Variants in ZSCAN5A observed in about 807,000 individuals in gnomAD.
The protein encoded by ZSCAN5A is zinc finger and SCAN domain-containing protein 5A.
A neutral mutation model predicts 23.7 loss-of-function variants in ZSCAN5A; 12 were observed. The ratio of observed to expected loss-of-function variants is 0.51; its 90% CI spans 0.32 to 0.82. The LOEUF (loss-of-function observed/expected upper bound fraction) is 0.82, where lower values mean the gene tolerates loss of function less well. ZSCAN5A is among the 40% of genes least tolerant of loss of function. ZSCAN5A has a pLI of 0.03. For missense variants in ZSCAN5A, 597 were observed against 617.9 expected, an observed-to-expected ratio of 0.97 and a Z score of 0.36; for synonymous variants, 257 against 239.9, an observed-to-expected ratio of 1.07 and a Z score of -0.66.
intron 2 of ZSCAN5A, chr19:56,228,274 G>C (rs1302856048): frequency 4.1e-6 from 4 of 985,124 alleles, no homozygotes; most frequent in Non-Finnish European, 4.8e-6. Context: ...TTCTGCCTCC[G>C]ACCTTCTCGG....
upstream of ZSCAN5A, chr19:56,319,646 C>G (rs1433590856): frequency 3.7e-6 from 2 of 540,732 alleles, no homozygotes; most frequent in African/African-American, 3.8e-5. Context: ...TAAGTAAAAG[C>G]AGATATGCTC....
In ZSCAN5A at chr19:56,248,947, G is replaced by T. The variant is rs1429224392; in HGVS notation, c.-127-23774C>A. Among the ~76,000 whole-genome samples, 7 of 152,252 alleles carry T rather than the reference G, an allele frequency of 4.6e-5. No homozygotes were observed. The East Asian group carries it at 1.4e-3, about 29-fold the overall frequency. On this transcript the variant is annotated intron_variant, in intron 2 of 5. Transcript: ENST00000683990. Reference sequence around the variant, plus strand: ...GCTCGCTCTGGGTGTTGTACATCCTGTGGGTTTGGACAAAGGCCTCATGAG... The same window carrying T: ...GCTCGCTCTGGGTGTTGTACATCCTTTGGGTTTGGACAAAGGCCTCATGAG...
intron 2 of ZSCAN5A, among the ~76,000 whole-genome samples, chr19:56,243,343 T>C (rs1274659387): frequency 6.6e-6 from 1 of 152,170 alleles, no homozygotes; most frequent in Non-Finnish European, 1.5e-5. Context: ...CATGAAATTG[T>C]GCACTTCAAG....
intron 2 of ZSCAN5A, among the ~76,000 whole-genome samples, chr19:56,322,892 C>CTTTTTTTTTTTTTTTTT (rs397859568): frequency 7.9e-6 from 1 of 126,820 alleles, no homozygotes; most frequent in Non-Finnish European, 1.6e-5. Flanking sequence ...TTATTGGTTT[C>CTTTTTTTTTTTTTTTTT]TTTTTTTTTT....
At chr19:56,265,136 A>T (rs114736460) in intron 2 of ZSCAN5A, among the ~76,000 whole-genome samples, 2,585 of 151,894 alleles carry the variant, frequency 0.017, 77 homozygotes, top group African/African-American at 0.058. Context: ...ATAAATAAAT[A>T]AATTAAATAA....
chr19:56,320,983 G>A (rs529156295), intron 2 of ZSCAN5A: 78 of 718,182 alleles, frequency 1.1e-4, no homozygotes, highest in Admixed American at 5.4e-5. Context: ...GGGTATCTTC[G>A]CCACAGACCG....
chr19:56,328,518 T>C (rs2041457350), intron 2 of ZSCAN5A, among the ~76,000 whole-genome samples: 1 of 151,584 alleles, frequency 6.6e-6, no homozygotes, highest in African/African-American at 2.4e-5. Context: ...GGTGCGCACC[T>C]GTAATCCCAG....
chr19:56,257,883 C>G (rs1369768589), intron 2 of ZSCAN5A, among the ~76,000 whole-genome samples: 1 of 135,022 alleles, frequency 7.4e-6, no homozygotes, highest in Non-Finnish European at 1.6e-5. Flanking sequence ...GCTCCTGCCT[C>G]CCACCACTGC....
chr19:56,226,672 A>G (rs558643796), intron 2 of ZSCAN5A, among the ~76,000 whole-genome samples: 14 of 152,296 alleles, frequency 9.2e-5, no homozygotes, highest in Non-Finnish European at 1.8e-4. Context: ...CAGAAAATTG[A>G]AAGTCCAACA....
chr19:56,320,965 A>G lies in ZSCAN5A; in HGVS notation c.-357-4697T>C, dbSNP rs186223652. 29 of 737,722 alleles carry G rather than the reference A, an allele frequency of 3.9e-5. No individual in the cohort carries two copies. In the African/African-American group the frequency reaches 4.6e-4, roughly 12 times the overall value. 45.7% of individuals were successfully genotyped at this position (737,722 alleles called of 1,614,324 possible). A position where few individuals can be genotyped will look rare whatever the true frequency, so the allele number is the denominator to read the frequency against. On this transcript the variant is annotated intron_variant, in intron 2 of 6. Coordinates refer to the ZSCAN5A transcript ENST00000587340. ...CTTTCAAATTGTGGGTTTTGATAGC[A>G]GCATTTAGGGTATCTTCGCCACAGA...
chr19:56,252,736 G>T (rs979847601), intron 2 of ZSCAN5A, among the ~76,000 whole-genome samples: 5 of 152,370 alleles, frequency 3.3e-5, no homozygotes, highest in African/African-American at 1.2e-4. Context: ...CAACGTCTGG[G>T]TGAGGCCTCT....
chr19:56,237,049 A>T (rs1181984946), intron 2 of ZSCAN5A, among the ~76,000 whole-genome samples: 4 of 152,224 alleles, frequency 2.6e-5, no homozygotes, highest in Non-Finnish European at 4.4e-5. Context: ...ACCGAGGGGT[A>T]TTGCCGGGTT....
At chr19:56,235,021 TGTGA>T (rs2034771505) in intron 2 of ZSCAN5A, among the ~76,000 whole-genome samples, 1 of 152,202 alleles carries the variant, frequency 6.6e-6, no homozygotes, top group African/African-American at 2.4e-5. Context: ...TCCTCACTCC[TGTGA>T]TAACGAGACA....
intron 2 of ZSCAN5A, among the ~76,000 whole-genome samples, chr19:56,289,012 G>A (rs766691201): frequency 5.3e-5 from 8 of 152,192 alleles, no homozygotes; most frequent in South Asian, 2.1e-4. Context: ...TTAGCCATTC[G>A]CCTGGCATCA....
At chr19:56,239,082 A>G (rs569697415) in intron 2 of ZSCAN5A, among the ~76,000 whole-genome samples, 3 of 152,264 alleles carry the variant, frequency 2.0e-5, no homozygotes, top group African/African-American at 7.2e-5. Context: ...CTTTACTGAC[A>G]TAATCTTATA....
At position 56,221,841 on chromosome 19, in the gene ZSCAN5A, C is replaced by T; in HGVS notation, c.1225G>A (p.Glu409Lys). ...CAGACGTCACACGTGTAGGGCCTCT[C>T]GCCAGTGTGGGTTCGCTGGTGAAAT... ...LQFHQRTHTG[E>K]RPYTCDVCQK... Residue 409 changes from glutamate to lysine, a missense_variant, in exon 6 of 6, where the codon GAG (glutamate) becomes AAG (lysine). Around this residue, in one of 5 missense-constraint regions of ZSCAN5A, gnomAD observed 406 missense variants for 353.2 expected, o/e 1.15. Transcript: ENST00000683990. 4 of 1,614,096 alleles carry T rather than the reference C, an allele frequency of 2.5e-6. No homozygotes were observed. The highest frequency in any genetic ancestry group is 2.5e-6 in the Non-Finnish European group (3 of 1,180,026).
intron 2 of ZSCAN5A, chr19:56,320,046 C>G (rs748556867): frequency 8.8e-6 from 7 of 797,132 alleles, no homozygotes; most frequent in Non-Finnish European, 1.6e-5. Flanking sequence ...CCTTTCTGGT[C>G]TGCATCAGAC....
rs1428388280 is a variant in ZSCAN5A, at chr19:56,334,593, T to A, written c.-357-18325A>T. On this transcript the variant is annotated intron_variant, in intron 2 of 6. Coordinates refer to the ZSCAN5A transcript ENST00000587340. The stretch of plus-strand genomic sequence containing the variant: ...GGTATCCATCACCCCAAGAATTTAT[T>A]TTTTGTGTTACAAACACAAATATAG... Among the ~76,000 whole-genome samples the A allele has an allele frequency of 1.6e-4, 24 of 152,164 alleles. 1 individual carries two copies. Among genetic ancestry groups the A allele is most frequent in the Admixed American group, 1.5e-3 (23 of 15,280 alleles).
intron 2 of ZSCAN5A, among the ~76,000 whole-genome samples, chr19:56,236,813 C>T (rs1040988432): frequency 1.1e-4 from 16 of 146,138 alleles, no homozygotes; most frequent in Admixed American, 3.4e-4. Flanking sequence ...CTCTGATGGA[C>T]GGTGGGCCAA....
Sources: allele counts gnomAD v4.1 joint callset (sites outside exome capture counted in the v4.1 genomes callset), GRCh38; gene constraint gnomAD v4.1.1; regional missense constraint gnomAD v4.1.1; transcripts MANE v1.5; gene names NCBI Gene and HGNC (gene_info 2026-07-23, HGNC 2026-07-21).